Variants in FASTKD1 observed in about 807,000 individuals in gnomAD.
FASTKD1 encodes FAST kinase domains 1, also known as FAST kinase domain-containing protein 1, mitochondrial.
FASTKD1 carries 94 observed loss-of-function variants against 90.9 expected under a neutral mutation model. That is an observed-to-expected ratio of 1.03 (90% CI 0.88 to 1.23). FASTKD1 has a LOEUF of 1.23. Ranked by LOEUF, FASTKD1 falls within the 50% of genes most tolerant of loss-of-function variation. FASTKD1 has a pLI of 0.00. For missense variants in FASTKD1, 945 were observed against 993.5 expected, an observed-to-expected ratio of 0.95 and a Z score of 0.66; for synonymous variants, 319 against 345.8, an observed-to-expected ratio of 0.92 and a Z score of 0.86.
intron 12 of FASTKD1, among the ~76,000 whole-genome samples, chr2:169,535,264 A>C (rs1422544642): frequency 6.6e-6 from 1 of 151,764 alleles, no homozygotes; most frequent in Non-Finnish European, 1.5e-5. Flanking sequence ...CTCACTGTAG[A>C]CTCAACTCCT....
At chr2:169,532,658 C>A (rs540466937) in intron 12 of FASTKD1, among the ~76,000 whole-genome samples, 2 of 150,112 alleles carry the variant, frequency 1.3e-5, no homozygotes, top group African/African-American at 2.5e-5. Context: ...TAGAAAAGTT[C>A]GAAATGTGGA....
At chr2:169,573,297 C>G (rs1162765672) in intron 1 of FASTKD1, 1 of 152,264 alleles carries the variant, frequency 6.6e-6, no homozygotes, top group African/African-American at 2.4e-5. Context: ...CAAGAAAACC[C>G]TGCACAAATC....
At chr2:169,545,294 A>C (rs948410398) in intron 8 of FASTKD1, among the ~76,000 whole-genome samples, 5 of 152,238 alleles carry the variant, frequency 3.3e-5, no homozygotes. Flanking sequence ...AAACAGTATC[A>C]GCAATTTCCA....
At chr2:169,535,464 A>ATTTATTTATTTATTAT (rs1553535173) in intron 12 of FASTKD1, among the ~76,000 whole-genome samples, 9 of 149,638 alleles carry the variant, frequency 6.0e-5, no homozygotes, top group Non-Finnish European at 7.4e-5. Context: ...TTATTTATTT[A>ATTTATTTATTTATTAT]TTATTTGTTT....
Position 169,538,080 on chromosome 2 carries a change from G to A in FASTKD1, c.2007C>T (p.Val669=). ...TCTGAAACTCAGGGCATTCCAAGCAGACTGATCTATTTAACTCCATAAGAT... is the reference window on the plus strand; with the variant it reads ...TCTGAAACTCAGGGCATTCCAAGCAAACTGATCTATTTAACTCCATAAGAT... ...QFHLMELNRS[V]CLECPEFQIP... is the part of the protein sequence containing the mutation. Residue 669 remains valine (V), a synonymous_variant, in exon 11 of 15, where the codon GTC becomes GTT. Transcript: ENST00000453153. 1 of 1,612,296 alleles carries A rather than the reference G, an allele frequency of 6.2e-7. No individual in the cohort carries two copies. The highest frequency in any genetic ancestry group is 8.5e-7 in the Non-Finnish European group (1 of 1,179,098).
At chr2:169,572,717 G>A (rs1684289212) in intron 1 of FASTKD1, among the ~76,000 whole-genome samples, 1 of 151,660 alleles carries the variant, frequency 6.6e-6, no homozygotes. Context: ...GCCTTGGATA[G>A]GTTTTAACCA....
At chr2:169,538,725 T>TTC in intron 10 of FASTKD1, among the ~76,000 whole-genome samples, 1 of 150,308 alleles carries the variant, frequency 6.7e-6, no homozygotes, top group African/African-American at 2.4e-5. Flanking sequence ...ATTCACCTAA[T>TTC]ATTCCACACT....
chr2:169,529,674 T>C lies in FASTKD1; in HGVS notation c.*151A>G. Reference sequence around the variant, plus strand: ...CTCCCACCCCACTCCCCACTTGTTCTGCTCCAGCCACACTGGATCCTTTGT... The same window carrying C: ...CTCCCACCCCACTCCCCACTTGTTCCGCTCCAGCCACACTGGATCCTTTGT... On this transcript the variant is annotated 3_prime_UTR_variant, in exon 15 of 15. Transcript: ENST00000453153. 1.7e-6 allele frequency: 1 copy of C among 598,760 alleles called. No homozygotes were observed. The highest frequency in any genetic ancestry group is 2.9e-5 in the East Asian group (1 of 34,814). 37.1% of individuals were successfully genotyped at this position (598,760 alleles called of 1,614,324 possible).
intron 13 of FASTKD1, 156 bp downstream of exon 13, chr2:169,531,196 G>T: frequency 1.2e-6 from 1 of 814,298 alleles, no homozygotes; most frequent in Non-Finnish European, 2.2e-6. Flanking sequence ...GAACATTAAA[G>T]CAGAAAGGAG....
intron 7 of FASTKD1, among the ~76,000 whole-genome samples, chr2:169,547,884 C>CAAAAAAAAAAAAAAAAAAAA (rs1158292826): frequency 1.4e-4 from 3 of 21,348 alleles, no homozygotes; most frequent in Admixed American, 6.5e-4. Flanking sequence ...GACTCCATCT[C>CAAAAAAAAAAAAAAAAAAAA]AAAAAAAAAA....
rs185645295 is a variant in FASTKD1 at position 169,560,671 on chromosome 2, G to A, written c.687C>T (p.Asn229=). 22 of 1,612,688 alleles carry A rather than the reference G, an allele frequency of 1.4e-5. No individual in the cohort carries two copies. In the South Asian group the frequency reaches 2.0e-4, roughly 15 times the overall value. ...GAAACTTTGCTATGCTTTTTGCAAC[G>A]TTGACCTCAGAAGAATCTATGGTGT... ...LFDTIDSSEV[N]VAKSIAKFLR... The change falls in exon 5 of 15, where the codon AAC becomes AAT. Residue 229 remains asparagine (N), a synonymous_variant. Coordinates refer to ENST00000453153, the MANE Select transcript of FASTKD1 (RefSeq NM_024622.6).
At position 169,562,046 on chromosome 2, in the gene FASTKD1, A is replaced by G. The variant is rs999624438; in HGVS notation, c.572+1179T>C. 1.0e-3 allele frequency among the ~76,000 whole-genome samples: 115 copies of G among 115,232 alleles called. 11 individuals are homozygous for G. The highest frequency in any genetic ancestry group is 3.4e-3 in the African/African-American group (106 of 31,470). 75.6% of individuals were successfully genotyped at this position (115,232 alleles called of 152,430 possible). A position where few individuals can be genotyped will look rare whatever the true frequency, so the allele number is the denominator to read the frequency against. Reference sequence around the variant, plus strand: ...TTAATTATTTATTAATTTATTGTAAATTAATTATTTATTAATTTATTGTAA... The same window carrying G: ...TTAATTATTTATTAATTTATTGTAAGTTAATTATTTATTAATTTATTGTAA... On this transcript the variant is annotated intron_variant, in intron 4 of 14. Coordinates refer to ENST00000453153, the MANE Select transcript of FASTKD1 (RefSeq NM_024622.6).
chr2:169,568,624 C>A (rs1306001908), intron 3 of FASTKD1, among the ~76,000 whole-genome samples: 4 of 72,374 alleles, frequency 5.5e-5, no homozygotes, highest in African/African-American at 2.2e-4. Context: ...AAGACCCTGT[C>A]CATTAAAAAA....
In FASTKD1 at chr2:169,529,785, T is replaced by C. The variant is rs370127496; in HGVS notation, c.*40A>G. 239 of 1,413,724 alleles carry C rather than the reference T, an allele frequency of 1.7e-4. No homozygotes were observed. Among genetic ancestry groups the C allele is most frequent in the Non-Finnish European group, 2.2e-4 (224 of 1,012,378 alleles). The allele number at this position is 1,413,724 out of a possible 1,614,324, so 87.6% of individuals were successfully genotyped here. The stretch of plus-strand genomic sequence containing the variant: ...AGACAGGCCACTTTATTAAAATAGG[T>C]CCAAATGTAACACACGATAACATTC... On this transcript the variant is annotated 3_prime_UTR_variant, in exon 15 of 15. Transcript: ENST00000453153.
chr2:169,566,863 T>C (rs1220307467), intron 3 of FASTKD1, among the ~76,000 whole-genome samples: 1 of 152,200 alleles, frequency 6.6e-6, no homozygotes, highest in African/African-American at 2.4e-5. Flanking sequence ...ACACCTGTAA[T>C]CCCAGCACTT....
At chr2:169,563,146 G>C (rs765212853) in intron 4 of FASTKD1, 79 bp downstream of exon 4, 2 of 1,381,032 alleles carry the variant, frequency 1.4e-6, no homozygotes, top group Admixed American at 4.1e-5. Context: ...CATAAACTAA[G>C]AGTAGCAAAT....
intron 2 of FASTKD1, among the ~76,000 whole-genome samples, chr2:169,570,429 G>C (rs1324228049): frequency 6.6e-6 from 1 of 151,816 alleles, no homozygotes; most frequent in Admixed American, 6.6e-5. Context: ...CTGACACCAA[G>C]GAAGCCCTTC....
intron 4 of FASTKD1, among the ~76,000 whole-genome samples, chr2:169,561,692 A>AAATTATTAATCTATTATAAATT (rs1232986617): frequency 1.4e-5 from 2 of 148,144 alleles, no homozygotes; most frequent in South Asian, 2.1e-4. Context: ...AATCCATTAT[A>AAATTATTAATCTATTATAAATT]AATTATTAAT....
In FASTKD1 at chr2:169,529,144, A is replaced by G. The variant is rs1051951472; in HGVS notation, c.*681T>C. ...ATATATCCACTTAGATGTTTAAAAG[A>G]CATCACAAACTCAACATATCTAAAA... On this transcript the variant is annotated 3_prime_UTR_variant, in exon 15 of 15. Transcript: ENST00000453153. Among the ~76,000 whole-genome samples, 2 of 152,188 alleles carry G rather than the reference A, an allele frequency of 1.3e-5. No individual in the cohort carries two copies. Among genetic ancestry groups the G allele is most frequent in the Admixed American group, 1.3e-4 (2 of 15,272 alleles).
Sources: gnomAD v4.1 joint callset for allele counts (sites outside exome capture counted in the v4.1 genomes callset) on GRCh38, gnomAD v4.1.1 for gene constraint, MANE v1.5 for transcripts, NCBI Gene and HGNC (gene_info 2026-07-23, HGNC 2026-07-21) for gene names.